The following CUX1 variants were observed in gnomAD, a reference collection of about 807,000 sequenced individuals.
CUX1 encodes the protein protein CASP.
Under a neutral mutation model 158.8 loss-of-function variants are expected in CUX1, and 31 were observed. The observed-to-expected ratio is 0.20, with a 90% CI of 0.15 to 0.26. The LOEUF is 0.26. CUX1 is among the 10% of genes least tolerant of loss of function. CUX1 has a pLI of 1.00. For missense variants in CUX1, 1,589 were observed against 2,014.6 expected (o/e 0.79, Z 4.04); for synonymous variants, 879 against 862.1 (o/e 1.02, Z -0.34).
At chr7:101,980,726 C>G (rs112453848) in intron 2 of CUX1, among the ~76,000 whole-genome samples, 2 of 152,228 alleles carry the variant, frequency 1.3e-5, no homozygotes, top group East Asian at 1.9e-4. Flanking sequence ...GCCAGCCAGC[C>G]GTCTCCTAAC....
intron 5 of CUX1, among the ~76,000 whole-genome samples, chr7:102,102,222 G>C (rs1444970129): frequency 6.9e-6 from 1 of 143,974 alleles, no homozygotes; most frequent in Non-Finnish European, 1.5e-5. Flanking sequence ...AAGCACTCTG[G>C]GACACACCTC....
At chr7:102,116,148 C>T (rs1476378912) in intron 8 of CUX1, among the ~76,000 whole-genome samples, 1 of 152,186 alleles carries the variant, frequency 6.6e-6, no homozygotes, top group East Asian at 1.9e-4. Context: ...TCCCACCAGG[C>T]TCCACCTCTG....
intron 3 of CUX1, among the ~76,000 whole-genome samples, chr7:102,065,585 A>G (rs185523028): frequency 1.7e-4 from 26 of 152,290 alleles, no homozygotes; most frequent in African/African-American, 5.3e-4. Flanking sequence ...CTCATGGTCC[A>G]TTTGCATACT....
In CUX1 at chr7:102,256,452, C is replaced by G. The variant is rs542852974; in HGVS notation, c.*7410C>G. The G allele has an allele frequency of 1.0e-6, 1 of 985,236 alleles. No individual in the cohort carries two copies. The highest frequency in any genetic ancestry group is 1.2e-6 in the Non-Finnish European group (1 of 829,940). The allele number at this position is 985,236 out of a possible 1,614,324, so 61.0% of individuals were successfully genotyped here. On this transcript the variant is annotated 3_prime_UTR_variant, in exon 24 of 24. Transcript: ENST00000292535. ...CACTCTAGTGGTTACTATCCTCTGC[C>G]TTCCTCTCCTCCCCTACTCCCCCAG... is the stretch of plus-strand genomic sequence containing the variant.
At chr7:101,966,363 G>A (rs140438198) in intron 2 of CUX1, among the ~76,000 whole-genome samples, 323 of 150,472 alleles carry the variant, frequency 2.1e-3, no homozygotes, top group Non-Finnish European at 3.8e-3. Flanking sequence ...AGATATTTCT[G>A]GATCAAATGA....
intron 20 of CUX1, among the ~76,000 whole-genome samples, chr7:102,223,229 C>T (rs1554527677): frequency 6.6e-6 from 1 of 151,854 alleles, no homozygotes; most frequent in African/African-American, 2.4e-5. Flanking sequence ...TAAGGACCAA[C>T]CTGGGTAACA....
chr7:102,201,569 C>T lies in CUX1; in HGVS notation c.2272C>T (p.Pro758Ser). ...TSPMPTVSSY[P>S]PLAISLKKPS... ...GCCCATGCCCACCGTGTCCAGCTAC[C>T]CACCTCTCGCCATCTCCCTGAAGAA... The change falls in exon 18 of 24, where the codon CCA (proline) becomes TCA (serine). Residue 758 changes from proline to serine, a missense_variant. This residue lies in a region of CUX1 where 337 missense variants were observed against 409.3 expected (regional missense o/e 0.82). Transcript: ENST00000292535. This position sits in a 1 kb window ranked among gnomAD's most constrained non-coding sequence, Gnocchi z 5.0. 1 of 1,614,150 alleles carries T rather than the reference C, an allele frequency of 6.2e-7. No homozygotes were observed.
intron 8 of CUX1, among the ~76,000 whole-genome samples, chr7:102,139,165 A>C (rs772517704): frequency 4.6e-5 from 7 of 151,048 alleles, no homozygotes; most frequent in Non-Finnish European, 7.4e-5. Flanking sequence ...GAATCACTTG[A>C]ACCCGGGAGG....
chr7:102,245,204 G>A (rs1325938776), intron 23 of CUX1, among the ~76,000 whole-genome samples: 14 of 152,020 alleles, frequency 9.2e-5, no homozygotes, highest in African/African-American at 3.4e-4. Context: ...CACCACACCT[G>A]GCTAATTTTT....
chr7:102,159,607 T>A (rs1200248661), intron 9 of CUX1, among the ~76,000 whole-genome samples: 2 of 152,228 alleles, frequency 1.3e-5, no homozygotes, highest in Non-Finnish European at 2.9e-5. Context: ...ACGCCTGTAA[T>A]CCCAGCAGTC....
intron 11 of CUX1, among the ~76,000 whole-genome samples, chr7:102,179,696 G>A (rs1288827159): frequency 3.3e-5 from 5 of 152,182 alleles, no homozygotes; most frequent in African/African-American, 9.6e-5. Context: ...TTTGAAGAGG[G>A]TCCTGGGACC....
chr7:101,990,423 C>T (rs572472077), intron 2 of CUX1, among the ~76,000 whole-genome samples: 19 of 151,984 alleles, frequency 1.3e-4, no homozygotes, highest in Admixed American at 1.0e-3. Flanking sequence ...CTCACCCAGG[C>T]TGGAGTGCAG....
In CUX1 at chr7:102,178,630, G is replaced by A. The variant is rs781811054; in HGVS notation, c.990G>A (p.Gln330=). ...GCCAGATCTCACAGCTTGAGCAGCA[G>A]CTGAGCGCCAAAAACAGCACACTCA... The part of the protein sequence containing the change: ...SASQISQLEQ[Q]LSAKNSTLKQ... Residue 330 remains glutamine (Q), a synonymous_variant, in exon 11 of 24, where the codon CAG becomes CAA. Coordinates refer to ENST00000292535, the MANE Select transcript of CUX1 (RefSeq NM_181552.4). 3.7e-6 allele frequency: 6 copies of A among 1,610,460 alleles called. No homozygotes were observed. The African/African-American group carries it at 8.0e-5, about 22-fold the overall frequency.
chr7:101,842,933 C>T (rs1165540731), intron 1 of CUX1, among the ~76,000 whole-genome samples: 4 of 138,670 alleles, frequency 2.9e-5, no homozygotes, highest in South Asian at 2.3e-4. Context: ...AGTGCAGTGG[C>T]GCGATCTCGG....
chr7:102,238,309 CT>C (rs1253916289), intron 22 of CUX1, among the ~76,000 whole-genome samples: 1 of 152,152 alleles, frequency 6.6e-6, no homozygotes, highest in Non-Finnish European at 1.5e-5. Context: ...CAACGGGCGT[CT>C]TCCCAGACGC....
At chr7:102,080,770 AC>A (rs1461255648) in intron 4 of CUX1, among the ~76,000 whole-genome samples, 4 of 152,174 alleles carry the variant, frequency 2.6e-5, no homozygotes, top group African/African-American at 9.6e-5. Context: ...ACCTCTCTGC[AC>A]CGAGGCTGTT....
At chr7:102,016,453 A>G (rs75759339) in intron 2 of CUX1, among the ~76,000 whole-genome samples, 1 of 152,172 alleles carries the variant, frequency 6.6e-6, no homozygotes, top group East Asian at 1.9e-4. Flanking sequence ...CCACTCAACA[A>G]ACATCTGTCG....
intron 2 of CUX1, chr7:101,959,703 A>T (rs1810228553): frequency 6.6e-6 from 1 of 151,972 alleles, no homozygotes. Flanking sequence ...CCTCTCTCTC[A>T]CAAGAAGTAT....
At chr7:102,093,869 G>T (rs1413706919) in intron 4 of CUX1, among the ~76,000 whole-genome samples, 1 of 150,896 alleles carries the variant, frequency 6.6e-6, no homozygotes, top group African/African-American at 2.5e-5. Flanking sequence ...TGGGAAGACA[G>T]GGGTTACCGG....
Sources: allele counts gnomAD v4.1 joint callset (sites outside exome capture counted in the v4.1 genomes callset), GRCh38; gene constraint gnomAD v4.1.1; regional missense constraint gnomAD v4.1.1; non-coding constraint Gnocchi (gnomAD v3.1); transcripts MANE v1.5; gene names NCBI Gene and HGNC (gene_info 2026-07-23, HGNC 2026-07-21).